The following MROH9 variants were observed in gnomAD, a reference collection of about 807,000 sequenced individuals.
MROH9 encodes maestro heat like repeat family member 9.
Under a neutral mutation model 98.2 loss-of-function variants are expected in MROH9, and 92 were observed. The observed-to-expected ratio is 0.94, with a 90% CI of 0.79 to 1.11. The LOEUF (loss-of-function observed/expected upper bound fraction) is 1.11. Among genes scored for constraint, MROH9 ranks in the 50% most tolerant of loss-of-function variants. MROH9 has a pLI of 0.00. For missense variants in MROH9, 1,057 were observed against 1,014.8 expected (o/e 1.04, Z -0.57); for synonymous variants, 397 against 368.9 (o/e 1.08, Z -0.87).
At chr1:171,024,365 A>G (rs1327056381) in intron 17 of MROH9, 30 bp from the exon 18 acceptor site, 1 of 1,545,510 alleles carries the variant, frequency 6.5e-7, no homozygotes. Context: ...CCCTAATATT[A>G]TCCTCAAATA....
intron 20 of MROH9, among the ~76,000 whole-genome samples, chr1:171,044,845 C>G (rs1653411916): frequency 6.6e-6 from 1 of 151,290 alleles, no homozygotes; most frequent in South Asian, 2.1e-4. Context: ...TGGATCCTCT[C>G]CCTTTTTTTC....
intron 17 of MROH9, among the ~76,000 whole-genome samples, chr1:171,023,720 T>C (rs1214679823): frequency 1.3e-5 from 2 of 152,198 alleles, no homozygotes; most frequent in African/African-American, 4.8e-5. Flanking sequence ...AAAATTAACA[T>C]AGCCATTACC....
At chr1:170,970,567 T>C (rs1650402786) in intron 7 of MROH9, among the ~76,000 whole-genome samples, 1 of 151,998 alleles carries the variant, frequency 6.6e-6, no homozygotes, top group Non-Finnish European at 1.5e-5. Context: ...GCAAGGAGAA[T>C]ATCCATGGAA....
intron 15 of MROH9, among the ~76,000 whole-genome samples, chr1:171,009,703 C>T (rs1415315297): frequency 2.0e-5 from 3 of 152,166 alleles, no homozygotes; most frequent in African/African-American, 4.8e-5. Flanking sequence ...AGTACTTTAG[C>T]ATCCATTTCT....
intron 8 of MROH9, among the ~76,000 whole-genome samples, chr1:170,978,398 T>C (rs1571469709): frequency 6.6e-6 from 1 of 152,138 alleles, no homozygotes; most frequent in African/African-American, 2.4e-5. Context: ...CCAGGGAGAC[T>C]CCAGCCACTT....
rs1654108796 is a variant in MROH9 at position 171,064,477 on chromosome 1, T to A, written c.*137T>A. 1.2e-6 allele frequency: 1 copy of A among 853,312 alleles called. No individual in the cohort carries two copies. The highest frequency in any genetic ancestry group is 1.7e-5 in the African/African-American group (1 of 57,838). The allele number at this position is 853,312 out of a possible 1,614,324, so 52.9% of individuals were successfully genotyped here. On this transcript the variant is annotated 3_prime_UTR_variant, in exon 22 of 22. Transcript: ENST00000367759. Reference sequence around the variant, plus strand: ...TGTTTGTAGATGCTTTTCTGAAAAATTCTGGAAGCTTTTACTGTTACTTCT... The same window carrying A: ...TGTTTGTAGATGCTTTTCTGAAAAAATCTGGAAGCTTTTACTGTTACTTCT...
At chr1:171,030,546 C>G (rs935169973) in intron 20 of MROH9, among the ~76,000 whole-genome samples, 2 of 152,154 alleles carry the variant, frequency 1.3e-5, no homozygotes, top group African/African-American at 4.8e-5. Context: ...ATTGTTTACC[C>G]AGGAGTCATT....
At chr1:170,974,140 CAAAT>C (rs749561427) in intron 8 of MROH9, among the ~76,000 whole-genome samples, 24 of 151,988 alleles carry the variant, frequency 1.6e-4, no homozygotes, top group Non-Finnish European at 2.8e-4. Flanking sequence ...AAATGACAGA[CAAAT>C]AGAGCATCAG....
At chr1:170,958,661 G>A (rs1357871390) in intron 4 of MROH9, 121 bp downstream of exon 4, 1 of 654,404 alleles carries the variant, frequency 1.5e-6, no homozygotes, top group East Asian at 2.7e-5. Flanking sequence ...TCATAATTTG[G>A]TGACTACTAT....
chr1:170,998,253 C>T lies in MROH9; in HGVS notation c.1575C>T (p.Ile525=), dbSNP rs200769735. 103 of 1,613,402 alleles carry T rather than the reference C, an allele frequency of 6.4e-5. No homozygotes were observed. In the East Asian group the frequency reaches 1.1e-3, roughly 17 times the overall value. ...CTAGAAGGTCAGAAGACACTGTCAT[C>T]GTATTAATATTCCTCACTGAAGTGA... ...EGPRRSEDTV[I]VLIFLTELLN... is the part of the protein sequence containing the mutation. Residue 525 remains isoleucine, a synonymous_variant, in exon 15 of 22, where the codon ATC becomes ATT. Transcript: ENST00000367759.
intron 9 of MROH9, among the ~76,000 whole-genome samples, chr1:170,985,734 TCCAAG>T (rs1244078945): frequency 2.0e-5 from 3 of 151,008 alleles, no homozygotes; most frequent in Admixed American, 6.6e-5. Flanking sequence ...AGCCCCCCTC[TCCAAG>T]CCTTGGTTAC....
At chr1:170,971,135 A>G (rs1401515085) in intron 7 of MROH9, among the ~76,000 whole-genome samples, 1 of 152,156 alleles carries the variant, frequency 6.6e-6, no homozygotes, top group Non-Finnish European at 1.5e-5. Flanking sequence ...AGAGAGGTCC[A>G]TTAAGGTGAA....
At chr1:171,048,966 G>A (rs141192030) in intron 20 of MROH9, among the ~76,000 whole-genome samples, 16 of 152,166 alleles carry the variant, frequency 1.1e-4, no homozygotes, top group Admixed American at 2.6e-4. Flanking sequence ...CTGGAACAGG[G>A]CCTCATGATT....
In MROH9 at chr1:170,995,526, G is replaced by T; in HGVS notation, c.1332G>T (p.Arg444Ser). 6.2e-7 allele frequency: 1 copy of T among 1,613,012 alleles called. No homozygotes were observed. The highest frequency in any genetic ancestry group is 8.5e-7 in the Non-Finnish European group (1 of 1,179,346). Residue 444 changes from arginine to serine, a missense_variant, in exon 13 of 22, where the codon AGG becomes AGT. Arg to Ser is a moderately radical substitution (Grantham distance 110, BLOSUM62 -1). Transcript: ENST00000367759. ...AGCTGAAACCGATACTCAAGGACAG[G>T]GCTTTGTGAGTTAAAACTGGTTATT... ...NSELKPILKDRALYAQDALRV... is the reference protein window; with the variant it reads ...NSELKPILKDSALYAQDALRV...
chr1:171,061,046 TA>T (rs1653994994), intron 20 of MROH9, among the ~76,000 whole-genome samples: 1 of 152,146 alleles, frequency 6.6e-6, no homozygotes, highest in Non-Finnish European at 1.5e-5. Flanking sequence ...TAACTCAATA[TA>T]TACACCGGCA....
At position 171,055,073 on chromosome 1, in the gene MROH9, C is replaced by A. The variant is rs1402020112; in HGVS notation, c.2282-7059C>A. 2.7e-5 allele frequency among the ~76,000 whole-genome samples: 4 copies of A among 149,946 alleles called. No individual in the cohort carries two copies. In the Middle Eastern group the frequency reaches 0.011, roughly 396 times the overall value. On this transcript the variant is annotated intron_variant, in intron 20 of 21. Coordinates refer to ENST00000367759, the MANE Select transcript of MROH9 (RefSeq NM_001163629.2). The stretch of plus-strand genomic sequence containing the variant: ...GACACTTGCACACGCATGTTTATGG[C>A]AGTACAATTTGCAATTGCAAAAATA...
At chr1:170,980,802 C>T (rs1226865833) in intron 8 of MROH9, among the ~76,000 whole-genome samples, 1 of 151,924 alleles carries the variant, frequency 6.6e-6, no homozygotes, top group Non-Finnish European at 1.5e-5. Context: ...TTCTGCACGG[C>T]AAAAGAAACT....
chr1:170,989,408 A>T (rs573221845), intron 10 of MROH9, among the ~76,000 whole-genome samples: 1 of 152,230 alleles, frequency 6.6e-6, no homozygotes, highest in Admixed American at 6.5e-5. Flanking sequence ...ATTCTGGGTC[A>T]TTCCTCCAAT....
rs745845147 is a variant in MROH9, at chr1:170,947,545, T to A, written c.44T>A (p.Leu15Gln). Residue 15 changes from leucine to glutamine, a missense_variant, in exon 3 of 22, where the codon CTG becomes CAG. Coordinates refer to ENST00000367759, the MANE Select transcript of MROH9 (RefSeq NM_001163629.2). ...TGGCTAGAGAGTAGTCTCCAGATTC[T>A]GCAAGACAGTGTGAAATGGCACCAC... ...NPKTKSSLQI[L>Q]QDSVKWHHMA... 1.2e-6 allele frequency: 2 copies of A among 1,611,116 alleles called. No individual in the cohort carries two copies. The highest frequency in any genetic ancestry group is 2.2e-5 in the South Asian group (2 of 90,904).
Sources: gnomAD v4.1 joint callset for allele counts (sites outside exome capture counted in the v4.1 genomes callset) on GRCh38, gnomAD v4.1.1 for gene constraint, MANE v1.5 for transcripts, NCBI Gene and HGNC (gene_info 2026-07-23, HGNC 2026-07-21) for gene names.